Variants in ROBO2 observed in about 807,000 individuals in gnomAD.
ROBO2 encodes roundabout homolog 2.
ROBO2 carries 53 observed loss-of-function variants against 160.8 expected under a neutral mutation model. The ratio of observed to expected loss-of-function variants is 0.33; its 90% confidence interval spans 0.26 to 0.41. The LOEUF is 0.41. Among genes scored for constraint, ROBO2 ranks in the 10% least tolerant of loss-of-function variants. ROBO2 has a pLI of 1.00. For missense variants in ROBO2, 1,577 were observed against 1,722.4 expected, an observed-to-expected ratio of 0.92 and a Z score of 1.49; for synonymous variants, 664 against 611.7, an observed-to-expected ratio of 1.09 and a Z score of -1.26.
intron 2 of ROBO2, among the ~76,000 whole-genome samples, chr3:77,426,336 G>A (rs2078202418): frequency 6.6e-6 from 1 of 152,066 alleles, no homozygotes; most frequent in Non-Finnish European, 1.5e-5. Context: ...CAGAGATGGG[G>A]CCCACTGTGG....
At chr3:76,018,305 G>T (rs1371187295) in intron 2 of ROBO2, among the ~76,000 whole-genome samples, 2 of 151,822 alleles carry the variant, frequency 1.3e-5, no homozygotes, top group Non-Finnish European at 2.9e-5. Context: ...AATCATTGTT[G>T]ATATGTATTT....
intron 2 of ROBO2, among the ~76,000 whole-genome samples, chr3:76,528,337 A>G (rs1560097070): frequency 2.0e-5 from 3 of 152,122 alleles, no homozygotes; most frequent in East Asian, 1.9e-4. Flanking sequence ...AACAATTACA[A>G]GAACCCAGGG....
intron 2 of ROBO2, among the ~76,000 whole-genome samples, chr3:76,827,896 C>A (rs563422832): frequency 6.6e-6 from 1 of 152,014 alleles, no homozygotes; most frequent in African/African-American, 2.4e-5. Context: ...AGTTACATAA[C>A]CACTGAAGCA....
chr3:77,017,443 A>G (rs1204929763), intron 2 of ROBO2, among the ~76,000 whole-genome samples: 3 of 152,214 alleles, frequency 2.0e-5, no homozygotes, highest in Admixed American at 6.5e-5. Flanking sequence ...TTAAATGTAT[A>G]TTAAGTAGAT....
chr3:76,815,467 A>T (rs1398500274), intron 2 of ROBO2, among the ~76,000 whole-genome samples: 1 of 152,076 alleles, frequency 6.6e-6, no homozygotes. Context: ...GTGTTAACAG[A>T]ATCAACATCA....
At chr3:76,849,257 A>C (rs1020683672) in intron 2 of ROBO2, among the ~76,000 whole-genome samples, 2 of 152,180 alleles carry the variant, frequency 1.3e-5, no homozygotes, top group Non-Finnish European at 2.9e-5. Flanking sequence ...CATCTCTAAT[A>C]CACTTAGGGG....
chr3:76,664,393 T>C (rs914713521), intron 2 of ROBO2, among the ~76,000 whole-genome samples: 6 of 152,118 alleles, frequency 3.9e-5, no homozygotes, highest in Admixed American at 3.9e-4. Context: ...GCCTACTTAC[T>C]AACTGAGCTT....
At chr3:76,106,310 T>C (rs868825215) in intron 2 of ROBO2, among the ~76,000 whole-genome samples, 1 of 152,132 alleles carries the variant, frequency 6.6e-6, no homozygotes, top group South Asian at 2.1e-4. Context: ...AGCAAAATAA[T>C]CTCAATCTGC....
chr3:76,252,389 A>G (rs939260407), intron 2 of ROBO2, among the ~76,000 whole-genome samples: 32 of 152,142 alleles, frequency 2.1e-4, no homozygotes, highest in African/African-American at 7.7e-4. Flanking sequence ...ATGCTGCTCA[A>G]TGAATGAAAG....
At chr3:77,180,918 C>T (rs1579710872) in intron 2 of ROBO2, among the ~76,000 whole-genome samples, 2 of 151,928 alleles carry the variant, frequency 1.3e-5, no homozygotes, top group Admixed American at 1.3e-4. Flanking sequence ...AGAACTCAAG[C>T]AAAATGATTT....
intron 2 of ROBO2, among the ~76,000 whole-genome samples, chr3:76,589,771 A>G (rs2086295551): frequency 6.6e-6 from 1 of 152,198 alleles, no homozygotes; most frequent in Non-Finnish European, 1.5e-5. Flanking sequence ...AATCAATGTT[A>G]GATCCAAAAG....
chr3:76,233,336 G>C (rs987344504), intron 2 of ROBO2, among the ~76,000 whole-genome samples: 1 of 152,004 alleles, frequency 6.6e-6, no homozygotes, highest in Non-Finnish European at 1.5e-5. Flanking sequence ...TAGAGATGGG[G>C]TTTCACCACG....
intron 2 of ROBO2, among the ~76,000 whole-genome samples, chr3:77,104,332 C>T (rs2150126163): frequency 6.6e-6 from 1 of 152,218 alleles, no homozygotes; most frequent in Admixed American, 6.5e-5. Context: ...TCTTGTGTGA[C>T]TATAATAGCA....
intron 2 of ROBO2, among the ~76,000 whole-genome samples, chr3:77,311,262 A>G (rs2063522116): frequency 6.6e-6 from 1 of 152,158 alleles, no homozygotes. Flanking sequence ...TACATCAGGT[A>G]TTTCCAATAA....
intron 2 of ROBO2, among the ~76,000 whole-genome samples, chr3:76,980,862 G>A (rs1249649694): frequency 6.6e-6 from 1 of 151,908 alleles, no homozygotes; most frequent in Non-Finnish European, 1.5e-5. Context: ...CCAGCCTTAG[G>A]CAACTAATCA....
intron 2 of ROBO2, among the ~76,000 whole-genome samples, chr3:77,412,279 C>T (rs1413580850): frequency 6.6e-6 from 1 of 152,190 alleles, no homozygotes; most frequent in Non-Finnish European, 1.5e-5. Flanking sequence ...GAGGTGGATG[C>T]CCAGAGGGCT....
chr3:77,445,974 T>A (rs2080465408), intron 2 of ROBO2, among the ~76,000 whole-genome samples: 1 of 152,018 alleles, frequency 6.6e-6, no homozygotes. Flanking sequence ...TCATTTAGAC[T>A]TATGCCTTTA....
chr3:76,143,620 A>C (rs1391041903), intron 2 of ROBO2, among the ~76,000 whole-genome samples: 2 of 152,076 alleles, frequency 1.3e-5, no homozygotes, highest in Non-Finnish European at 2.9e-5. Flanking sequence ...AGCCAATTCA[A>C]AAACCTCAGC....
intron 2 of ROBO2, among the ~76,000 whole-genome samples, chr3:76,015,039 C>G (rs1176564475): frequency 6.6e-6 from 1 of 152,162 alleles, no homozygotes; most frequent in Non-Finnish European, 1.5e-5. Flanking sequence ...TGGTATCATT[C>G]TGTGTATTCA....
Sources: allele counts gnomAD v4.1 joint callset (sites outside exome capture counted in the v4.1 genomes callset), GRCh38; gene constraint gnomAD v4.1.1; transcripts MANE v1.5; gene names NCBI Gene and HGNC (gene_info 2026-07-23, HGNC 2026-07-21).